CSMD1: variants seen among roughly 807,000 people sequenced by gnomAD.
CSMD1 encodes CUB and sushi domain-containing protein 1.
A neutral mutation model predicts 417.5 loss-of-function variants in CSMD1; 213 were observed. The ratio of observed to expected loss-of-function variants is 0.51; its 90% CI spans 0.46 to 0.57. CSMD1 has a LOEUF of 0.57. Ranked by LOEUF, CSMD1 falls within the 20% of genes least tolerant of loss-of-function variation. CSMD1 has a pLI of 0.00. For synonymous variants in CSMD1, 2,862 were observed against 1,736.8 expected (o/e 1.65, Z -16.11); for missense variants, 6,923 against 4,529.7 (o/e 1.53, Z -15.17).
At position 4,190,273 on chromosome 8, in the gene CSMD1, A is replaced by G. The variant is rs568788277; in HGVS notation, c.416-158174T>C. Among the ~76,000 whole-genome samples the G allele has an allele frequency of 7.5e-3, 1,126 of 150,692 alleles. 9 individuals carry two copies. The highest frequency in any genetic ancestry group is 0.014 in the Middle Eastern group (4 of 294). On this transcript the variant is annotated intron_variant, in intron 3 of 69. Transcript: ENST00000635120. The stretch of plus-strand genomic sequence containing the variant: ...GTCTCCAAAAAAAAAAAAAAAAAAA[A>G]AAGCAGAGACTCTGGGTCTGGTCTA...
chr8:4,835,357 G>A lies in CSMD1; in HGVS notation c.85+158975C>T, dbSNP rs149479612. Among the ~76,000 whole-genome samples, 828 of 152,292 alleles carry A rather than the reference G, an allele frequency of 5.4e-3. 9 individuals carry two copies. Among genetic ancestry groups the A allele is most frequent in the African/African-American group, 0.019 (789 of 41,558 alleles). On this transcript the variant is annotated intron_variant, in intron 1 of 69. Transcript: ENST00000635120. ...GTCAATGCAAAGAGGTAATATTCCA[G>A]AAAGATTCTGAGGTTAGTAATTTGG...
chr8:4,084,085 G>C (rs574212724), intron 3 of CSMD1, among the ~76,000 whole-genome samples: 1 of 152,144 alleles, frequency 6.6e-6, no homozygotes, highest in Non-Finnish European at 1.5e-5. Context: ...AAAATGGCTA[G>C]TAATATTTGT....
intron 3 of CSMD1, among the ~76,000 whole-genome samples, chr8:4,274,265 C>G (rs1170886562): frequency 6.6e-6 from 1 of 152,124 alleles, no homozygotes; most frequent in African/African-American, 2.4e-5. Flanking sequence ...TATACTTCTT[C>G]TAGCTGCTAC....
intron 2 of CSMD1, among the ~76,000 whole-genome samples, chr8:4,480,909 T>G (rs1200336266): frequency 6.6e-6 from 1 of 152,170 alleles, no homozygotes; most frequent in African/African-American, 2.4e-5. Flanking sequence ...CCCTAGTTGT[T>G]GAGTTCATCA....
At chr8:2,945,747 C>T (rs1347317992) in intron 68 of CSMD1, among the ~76,000 whole-genome samples, 1 of 152,146 alleles carries the variant, frequency 6.6e-6, no homozygotes, top group Non-Finnish European at 1.5e-5. Context: ...CTCTCATTGC[C>T]CTCCTTCCAC....
Position 3,040,162 on chromosome 8 carries a change from T to C in CSMD1, c.7661-10649A>G, listed in dbSNP as rs1034026164. On this transcript the variant is annotated intron_variant, in intron 50 of 69. Coordinates refer to ENST00000635120, the MANE Select transcript of CSMD1 (RefSeq NM_033225.6). Reference sequence around the variant, plus strand: ...CTAGAATTTGGAGAAGATGGAAAGATTGAAAGAAGGAACGAACATCCAAAC... The same window carrying C: ...CTAGAATTTGGAGAAGATGGAAAGACTGAAAGAAGGAACGAACATCCAAAC... Among the ~76,000 whole-genome samples the C allele has an allele frequency of 9.2e-5, 14 of 152,166 alleles. No individual in the cohort carries two copies. The East Asian group carries it at 1.7e-3, about 19-fold the overall frequency.
At chr8:4,488,797 A>G (rs896754617) in intron 2 of CSMD1, among the ~76,000 whole-genome samples, 26 of 152,190 alleles carry the variant, frequency 1.7e-4, no homozygotes, top group African/African-American at 5.8e-4. Flanking sequence ...GAAATACTCT[A>G]TGTCCATATT....
chr8:3,062,897 G>C (rs926014402), intron 49 of CSMD1, among the ~76,000 whole-genome samples: 3 of 152,084 alleles, frequency 2.0e-5, no homozygotes, highest in African/African-American at 7.2e-5. Flanking sequence ...GTTCAAAAGA[G>C]ACAGGTACAA....
At chr8:4,011,213 AC>A (rs1816510377) in intron 4 of CSMD1, among the ~76,000 whole-genome samples, 1 of 152,108 alleles carries the variant, frequency 6.6e-6, no homozygotes, top group South Asian at 2.1e-4. Context: ...TTTGTGTTCT[AC>A]CTTTCCTCTC....
intron 5 of CSMD1, among the ~76,000 whole-genome samples, chr8:3,864,734 C>A (rs1804964424): frequency 6.6e-6 from 1 of 152,094 alleles, no homozygotes; most frequent in Non-Finnish European, 1.5e-5. Context: ...ACACTCCCCT[C>A]CTCTCCTAGT....
chr8:3,594,185 T>G (rs1800985222), intron 8 of CSMD1, among the ~76,000 whole-genome samples: 1 of 152,158 alleles, frequency 6.6e-6, no homozygotes, highest in Non-Finnish European at 1.5e-5. Flanking sequence ...TGGCACTCAT[T>G]TACGGCCGTC....
chr8:4,080,500 T>A, intron 3 of CSMD1, among the ~76,000 whole-genome samples: 1 of 152,196 alleles, frequency 6.6e-6, no homozygotes, highest in East Asian at 1.9e-4. Context: ...AATTTCTTAC[T>A]TGCAAAAGAA....
intron 1 of CSMD1, among the ~76,000 whole-genome samples, chr8:4,721,842 C>T (rs192494673): frequency 1.3e-4 from 20 of 152,234 alleles, no homozygotes; most frequent in African/African-American, 4.8e-4. Flanking sequence ...CATGATTCAG[C>T]TTTACAAAAG....
intron 7 of CSMD1, among the ~76,000 whole-genome samples, chr8:3,646,388 TG>T (rs1797572891): frequency 6.6e-6 from 1 of 152,184 alleles, no homozygotes. Context: ...TGCATTGCTT[TG>T]TAATAAGAAA....
chr8:3,455,807 A>G (rs1163857454), intron 12 of CSMD1, among the ~76,000 whole-genome samples: 1 of 152,236 alleles, frequency 6.6e-6, no homozygotes. Context: ...CTCAAGCTGC[A>G]TGCTGGGAGA....
intron 2 of CSMD1, among the ~76,000 whole-genome samples, chr8:4,635,792 T>G (rs73506861): frequency 1.3e-5 from 2 of 152,104 alleles, no homozygotes; most frequent in African/African-American, 2.4e-5. Context: ...GTATTGTATA[T>G]GTAGATACTT....
chr8:3,791,437 C>A (rs567728137), intron 5 of CSMD1, among the ~76,000 whole-genome samples: 1 of 152,200 alleles, frequency 6.6e-6, no homozygotes, highest in East Asian at 1.9e-4. Flanking sequence ...CTCACAGCAT[C>A]CTAGCATAGT....
At chr8:4,344,004 G>T (rs993481073) in intron 3 of CSMD1, among the ~76,000 whole-genome samples, 3 of 152,058 alleles carry the variant, frequency 2.0e-5, no homozygotes, top group Admixed American at 1.3e-4. Flanking sequence ...AATACCACAA[G>T]CACTGTGGTT....
At chr8:4,389,648 C>G (rs1232870672) in intron 3 of CSMD1, among the ~76,000 whole-genome samples, 1 of 152,154 alleles carries the variant, frequency 6.6e-6, no homozygotes, top group Non-Finnish European at 1.5e-5. Context: ...GTATCCACTT[C>G]CCTCCCTAAA....
Sources: gnomAD v4.1 joint callset for allele counts (sites outside exome capture counted in the v4.1 genomes callset) on GRCh38, gnomAD v4.1.1 for gene constraint, MANE v1.5 for transcripts, NCBI Gene and HGNC (gene_info 2026-07-23, HGNC 2026-07-21) for gene names.